The following SCAF1 variants were observed in gnomAD, a reference collection of about 807,000 sequenced individuals.
SCAF1 encodes the protein SR-related CTD associated factor 1.
Under a neutral mutation model 91.2 loss-of-function variants are expected in SCAF1, and 28 were observed. That is an observed-to-expected ratio of 0.31 (90% CI 0.23 to 0.42). The LOEUF is 0.42. Among genes scored for constraint, SCAF1 ranks in the 10% least tolerant of loss-of-function variants. SCAF1 has a pLI of 1.00. For synonymous variants in SCAF1, 1,036 were observed against 833.7 expected (o/e 1.24, Z -4.18); for missense variants, 1,893 against 1,872.1 (o/e 1.01, Z -0.21).
At chr19:49,649,729 A>G (rs1394995882) in intron 6 of SCAF1, among the ~76,000 whole-genome samples, 2 of 151,710 alleles carry the variant, frequency 1.3e-5, no homozygotes, top group African/African-American at 4.8e-5. Context: ...TCCCAACCTC[A>G]GGTGATCCAT....
Position 49,652,908 on chromosome 19 carries a change from T to G in SCAF1, c.2519T>G (p.Leu840Arg), listed in dbSNP as rs761380628. 1 of 1,613,892 alleles carries G rather than the reference T, an allele frequency of 6.2e-7. No homozygotes were observed. The highest frequency in any genetic ancestry group is 1.1e-5 in the South Asian group (1 of 91,076). The change falls in exon 7 of 11, where the codon CTG becomes CGG. Residue 840 changes from leucine (L) to arginine (R), a missense_variant. Physicochemically the swap from Leu to Arg is moderately radical, Grantham distance 102. Transcript: ENST00000360565. ...AAGCTGCAGTCCAAGGTGGCGGTGC[T>G]GATCCGCGAGGGTGTCAGCAGCACC... The part of the protein sequence containing the change: ...KVKLQSKVAV[L>R]IREGVSSTTP...
chr19:49,652,613 C>T lies in SCAF1; in HGVS notation c.2224C>T (p.Arg742Trp), dbSNP rs757784801. 10 of 1,562,386 alleles carry T rather than the reference C, an allele frequency of 6.4e-6. No individual in the cohort carries two copies. The highest frequency in any genetic ancestry group is 8.7e-6 in the Non-Finnish European group (10 of 1,153,494). ...CTCCGAGGGACTGAGCGGCGAGGAG[C>T]GGGGCGGCAAGAGCAGCCAGAAGGA... ...YDSEGLSGEERGGKSSQKDRR... is the reference protein window; with the variant it reads ...YDSEGLSGEEWGGKSSQKDRR... The change falls in exon 7 of 11, where the codon CGG becomes TGG. Residue 742 changes from arginine to tryptophan, a missense_variant. Around this residue, in one of 5 missense-constraint regions of SCAF1, gnomAD observed 1,436 missense variants for 1,306.8 expected, o/e 1.10. Transcript: ENST00000360565.
chr19:49,651,428 G>A lies in SCAF1; in HGVS notation c.1039G>A (p.Ala347Thr), dbSNP rs766754846. The A allele has an allele frequency of 1.2e-6, 2 of 1,602,244 alleles. No individual in the cohort carries two copies. Among genetic ancestry groups the A allele is most frequent in the South Asian group, 2.2e-5 (2 of 90,000 alleles). ...PQVDSTRADG[A>T]MRRRVFVVGT... is the part of the protein sequence containing the mutation. ...GGTGGACTCCACCCGGGCTGATGGA[G>A]CCATGCGCCGGCGGGTCTTCGTGGT... The change falls in exon 7 of 11, where the codon GCC becomes ACC. Residue 347 changes from alanine to threonine, a missense_variant. Transcript: ENST00000360565.
intron 6 of SCAF1, among the ~76,000 whole-genome samples, chr19:49,648,567 C>CG (rs916875938): frequency 3.3e-5 from 5 of 150,974 alleles, no homozygotes; most frequent in African/African-American, 1.2e-4. Flanking sequence ...CACACCCCCC[C>CG]CCCTTTTTTT....
chr19:49,658,062 G>A, intron 10 of SCAF1, 146 bp from the exon 11 acceptor site: 1 of 1,200,628 alleles, frequency 8.3e-7, no homozygotes, highest in Non-Finnish European at 1.2e-6. Flanking sequence ...TGGCCCTGGG[G>A]CACCCATCGT....
Position 49,646,034 on chromosome 19 carries a change from T to C in SCAF1, c.167-74T>C, listed in dbSNP as rs1279748421. ...TCCGCTGTCAGGAACTAGATCAAGC[T>C]CCTCTTTCCTCTACCCCGCAAGTCT... On this transcript the variant is annotated intron_variant, in intron 3 of 10. Transcript: ENST00000360565. This position sits in a 1 kb window ranked among gnomAD's most constrained non-coding sequence, Gnocchi z 5.6. 6 of 1,363,020 alleles carry C rather than the reference T, an allele frequency of 4.4e-6. No homozygotes were observed. The African/African-American group carries it at 5.8e-5, about 13-fold the overall frequency. 84.4% of individuals were successfully genotyped at this position (1,363,020 alleles called of 1,614,324 possible).
In SCAF1 at chr19:49,645,189, C is replaced by A. The variant is rs1003452669; in HGVS notation, c.108+55C>A. 1.9e-6 allele frequency: 3 copies of A among 1,555,408 alleles called. No individual in the cohort carries two copies. The highest frequency in any genetic ancestry group is 2.7e-5 in the African/African-American group (2 of 73,676). ...GATGGAGGAGCTGGGCATCCACACT[C>A]CAGGGGCCTGACTCCAGGGCCTGAG... On this transcript the variant is annotated intron_variant, in intron 2 of 10. Coordinates refer to ENST00000360565, the MANE Select transcript of SCAF1 (RefSeq NM_021228.3). The surrounding 1 kb of genome is among the most constrained non-coding windows in gnomAD (Gnocchi z 4.6).
rs370215846 is a variant in SCAF1, at chr19:49,646,095, A to C, written c.167-13A>C. The C allele has an allele frequency of 5.6e-6, 9 of 1,610,806 alleles. No individual in the cohort carries two copies. Among genetic ancestry groups the C allele is most frequent in the Admixed American group, 1.7e-5 (1 of 59,914 alleles). ...TCCCCTGTGTCCAATCCCCCATGCA[A>C]ATCTCTCACCAGATGGCTCTCGGTG... is the stretch of plus-strand genomic sequence containing the variant. On this transcript the variant is annotated splice_polypyrimidine_tract_variant and intron_variant, in intron 3 of 10. Coordinates refer to ENST00000360565, the MANE Select transcript of SCAF1 (RefSeq NM_021228.3). This position sits in a 1 kb window ranked among gnomAD's most constrained non-coding sequence, Gnocchi z 5.6.
rs2081055516 is a variant in SCAF1 at position 49,646,449 on chromosome 19, GT to G, written c.262-75del. ...TCTTAGATGTCTGGGTTCCTGAGAG[GT>G]TAGGGAGTGGGGAAGCAGGATTTGC... is the stretch of plus-strand genomic sequence containing the variant. On this transcript the variant is annotated intron_variant, in intron 4 of 10. Coordinates refer to ENST00000360565, the MANE Select transcript of SCAF1 (RefSeq NM_021228.3). This position sits in a 1 kb window ranked among gnomAD's most constrained non-coding sequence, Gnocchi z 5.6. 1 of 1,300,944 alleles carries G rather than the reference GT, an allele frequency of 7.7e-7. No individual in the cohort carries two copies. The highest frequency in any genetic ancestry group is 1.7e-5 in the Admixed American group (1 of 59,062). The allele number at this position is 1,300,944 out of a possible 1,614,324, so 80.6% of individuals were successfully genotyped here. A position where few individuals can be genotyped will look rare whatever the true frequency, so the allele number is the denominator to read the frequency against.
Position 49,645,333 on chromosome 19 carries a change from G to C in SCAF1, c.109-21G>C, listed in dbSNP as rs2081048616. ...CATCTGCCTGGGTCCTCTGACGCTTGGTTCTTCCCCCCTTCCCCAGCGAGC... is the reference window on the plus strand; with the variant it reads ...CATCTGCCTGGGTCCTCTGACGCTTCGTTCTTCCCCCCTTCCCCAGCGAGC... On this transcript the variant is annotated intron_variant, in intron 2 of 10. Coordinates refer to ENST00000360565, the MANE Select transcript of SCAF1 (RefSeq NM_021228.3). This position sits in a 1 kb window ranked among gnomAD's most constrained non-coding sequence, Gnocchi z 4.6. 1 of 1,613,686 alleles carries C rather than the reference G, an allele frequency of 6.2e-7. No individual in the cohort carries two copies.
At position 49,651,904 on chromosome 19, in the gene SCAF1, C is replaced by T. The variant is rs933996491; in HGVS notation, c.1515C>T (p.Pro505=). The T allele has an allele frequency of 3.2e-5, 37 of 1,154,700 alleles. No individual in the cohort carries two copies. Among genetic ancestry groups the T allele is most frequent in the Non-Finnish European group, 3.7e-5 (35 of 934,948 alleles). 71.5% of individuals were successfully genotyped at this position (1,154,700 alleles called of 1,614,324 possible). A position where few individuals can be genotyped will look rare whatever the true frequency, so the allele number is the denominator to read the frequency against. The change falls in exon 7 of 11, where the codon CCC becomes CCT. Residue 505 remains proline (P), a synonymous_variant. Transcript: ENST00000360565. ...RQRSPSPAPA[P]APAAAAGPPT... is the part of the protein sequence containing the mutation. ...GCTCGCCCTCCCCGGCGCCCGCGCC[C>T]GCCCCGGCCGCCGCTGCTGGTCCGC...
At chr19:49,648,336 T>A (rs974764677) in intron 6 of SCAF1, among the ~76,000 whole-genome samples, 3 of 152,008 alleles carry the variant, frequency 2.0e-5, no homozygotes, top group Non-Finnish European at 4.4e-5. Context: ...GGTCTCAAAC[T>A]CCTGACCTGA....
At position 49,642,353 on chromosome 19, in the gene SCAF1, G is replaced by A. The variant is rs1362107332; in HGVS notation, c.-7+111G>A. 6.6e-6 allele frequency: 1 copy of A among 152,270 alleles called. No homozygotes were observed. The highest frequency in any genetic ancestry group is 6.5e-5 in the Admixed American group (1 of 15,292). The allele number at this position is 152,270 out of a possible 1,614,324, so 9.4% of individuals were successfully genotyped here. A position where few individuals can be genotyped will look rare whatever the true frequency, so the allele number is the denominator to read the frequency against. Reference sequence around the variant, plus strand: ...TCCTCCCCACAAGCCACGGGTCCTAGAGGGCTTCTCGGGGCGGTCTCGGGC... The same window carrying A: ...TCCTCCCCACAAGCCACGGGTCCTAAAGGGCTTCTCGGGGCGGTCTCGGGC... On this transcript the variant is annotated intron_variant, in intron 1 of 10. Coordinates refer to ENST00000360565, the MANE Select transcript of SCAF1 (RefSeq NM_021228.3). The surrounding 1 kb of genome is among the most constrained non-coding windows in gnomAD (Gnocchi z 4.0).
chr19:49,647,746 C>T (rs1401293962), intron 6 of SCAF1, among the ~76,000 whole-genome samples: 1 of 152,206 alleles, frequency 6.6e-6, no homozygotes, highest in Non-Finnish European at 1.5e-5. Flanking sequence ...ATTCTCCTGC[C>T]TCAGCCTCCT....
rs200792397 is a variant in SCAF1, at chr19:49,646,495, G to C, written c.262-31G>C. Reference sequence around the variant, plus strand: ...ATTTGCCAGTCTTCATGTGACCAGGGACGGCGTAGAGCCTCTCTGGCCTCT... The same window carrying C: ...ATTTGCCAGTCTTCATGTGACCAGGCACGGCGTAGAGCCTCTCTGGCCTCT... On this transcript the variant is annotated intron_variant, in intron 4 of 10. Coordinates refer to ENST00000360565, the MANE Select transcript of SCAF1 (RefSeq NM_021228.3). The surrounding 1 kb of genome is among the most constrained non-coding windows in gnomAD (Gnocchi z 5.6). 1 of 1,590,904 alleles carries C rather than the reference G, an allele frequency of 6.3e-7. No individual in the cohort carries two copies. The highest frequency in any genetic ancestry group is 1.3e-5 in the African/African-American group (1 of 74,528).
Position 49,653,124 on chromosome 19 carries a change from A to G in SCAF1, c.2735A>G (p.Lys912Arg), listed in dbSNP as rs777532820. 3 of 1,611,186 alleles carry G rather than the reference A, an allele frequency of 1.9e-6. No homozygotes were observed. Among genetic ancestry groups the G allele is most frequent in the Non-Finnish European group, 2.5e-6 (3 of 1,178,730 alleles). ...VKAKAGAKKT[K>R]GTKGKTKPSK... ...GCCAAGGCAGGGGCCAAGAAAACCA[A>G]GGGGACCAAGGGAAAGACCAAGCCA... The change falls in exon 7 of 11, where the codon AAG becomes AGG. Residue 912 changes from lysine to arginine, a missense_variant. This residue lies in a region of SCAF1 where 1,436 missense variants were observed against 1,306.8 expected (regional missense o/e 1.10). Coordinates refer to ENST00000360565, the MANE Select transcript of SCAF1 (RefSeq NM_021228.3).
Position 49,651,485 on chromosome 19 carries a change from A to C in SCAF1, c.1096A>C (p.Lys366Gln). 6.3e-7 allele frequency: 1 copy of C among 1,579,118 alleles called. No homozygotes were observed. Among genetic ancestry groups the C allele is most frequent in the Non-Finnish European group, 8.6e-7 (1 of 1,164,912 alleles). Residue 366 changes from lysine to glutamine, a missense_variant, in exon 7 of 11, where the codon AAG becomes CAG. This residue lies in a region of SCAF1 where 1,436 missense variants were observed against 1,306.8 expected (regional missense o/e 1.10). Coordinates refer to ENST00000360565, the MANE Select transcript of SCAF1 (RefSeq NM_021228.3). ...CGAGGCAGAGGCTTGTCGGGAAGGC[A>C]AGGTCTCGGTGGAGGTGGTGACCGC... ...GTEAEACREGKVSVEVVTAGG... is the reference protein window; with the variant it reads ...GTEAEACREGQVSVEVVTAGG...
intron 9 of SCAF1, among the ~76,000 whole-genome samples, chr19:49,656,625 C>T (rs2081140943): frequency 6.6e-6 from 1 of 152,176 alleles, no homozygotes; most frequent in Admixed American, 6.5e-5. Context: ...AGCTGCTGCC[C>T]CGAGCCTGCG....
In SCAF1 at chr19:49,651,975, C is replaced by G; in HGVS notation, c.1586C>G (p.Ala529Gly). The change falls in exon 7 of 11, where the codon GCC (alanine) becomes GGC (glycine). Residue 529 changes from alanine (A) to glycine (G), a missense_variant. Ala to Gly is a moderately conservative substitution (Grantham distance 60, BLOSUM62 0). This residue lies in a region of SCAF1 where 1,436 missense variants were observed against 1,306.8 expected (regional missense o/e 1.10). Transcript: ENST00000360565. ...CGGGAACGCAAGCGCAGCGGCGAGG[C>G]CAAGGAGGCCGCCTCGTCCTCGTCG... ...SRRERKRSGE[A>G]KEAASSSSGT... The G allele has an allele frequency of 8.3e-7, 1 of 1,198,914 alleles. No individual in the cohort carries two copies. Among genetic ancestry groups the G allele is most frequent in the Non-Finnish European group, 1.0e-6 (1 of 956,066 alleles). 74.3% of individuals were successfully genotyped at this position (1,198,914 alleles called of 1,614,324 possible). A position where few individuals can be genotyped will look rare whatever the true frequency, so the allele number is the denominator to read the frequency against.
Sources: allele counts gnomAD v4.1 joint callset (sites outside exome capture counted in the v4.1 genomes callset), GRCh38; gene constraint gnomAD v4.1.1; regional missense constraint gnomAD v4.1.1; non-coding constraint Gnocchi (gnomAD v3.1); transcripts MANE v1.5; gene names NCBI Gene and HGNC (gene_info 2026-07-23, HGNC 2026-07-21).